Variants in PDZD2 observed in about 807,000 individuals in gnomAD.
PDZD2 encodes PDZ domain containing 2.
In PDZD2, 90 loss-of-function variants were observed where a neutral mutation model predicts 220.7. The ratio of observed to expected loss-of-function variants is 0.41; its 90% CI spans 0.34 to 0.49. The LOEUF (loss-of-function observed/expected upper bound fraction) is 0.49, where lower values mean the gene tolerates loss of function less well. PDZD2 is among the 20% of genes least tolerant of loss of function. The pLI, the probability that PDZD2 is intolerant of heterozygous loss-of-function variation, is 0.28. For missense variants in PDZD2, 3,174 were observed against 3,608.5 expected, an observed-to-expected ratio of 0.88 and a Z score of 3.08; for synonymous variants, 1,375 against 1,450.5, an observed-to-expected ratio of 0.95 and a Z score of 1.18.
intron 2 of PDZD2, among the ~76,000 whole-genome samples, chr5:31,880,780 CTTT>C (rs1177280477): frequency 1.6e-4 from 7 of 42,778 alleles, no homozygotes; most frequent in African/African-American, 6.3e-4. Context: ...AGGTAGCTTT[CTTT>C]TTTTTTTCTT....
At chr5:31,830,916 A>T (rs889954295) in intron 2 of PDZD2, among the ~76,000 whole-genome samples, 1 of 152,188 alleles carries the variant, frequency 6.6e-6, no homozygotes, top group Non-Finnish European at 1.5e-5. Flanking sequence ...CACAGCTCAG[A>T]CAGCAAGCAG....
chr5:31,672,349 A>G (rs553796891), intron 1 of PDZD2, among the ~76,000 whole-genome samples: 4 of 152,214 alleles, frequency 2.6e-5, no homozygotes, highest in South Asian at 4.2e-4. Context: ...AGGAGCAGCA[A>G]TCTACACTCC....
At chr5:31,876,785 C>T (rs531789792) in intron 2 of PDZD2, among the ~76,000 whole-genome samples, 24 of 152,298 alleles carry the variant, frequency 1.6e-4, no homozygotes, top group Non-Finnish European at 3.2e-4. Context: ...AGGGCATTGA[C>T]TCTGGAGTCA....
chr5:31,783,118 G>C (rs1030130621), intron 1 of PDZD2, among the ~76,000 whole-genome samples: 2 of 152,156 alleles, frequency 1.3e-5, no homozygotes, highest in Non-Finnish European at 2.9e-5. Flanking sequence ...GATAAAGTTG[G>C]TTTAAACTTG....
At chr5:32,092,360 G>C (rs563277005) in intron 20 of PDZD2, among the ~76,000 whole-genome samples, 4 of 151,148 alleles carry the variant, frequency 2.6e-5, no homozygotes, top group Middle Eastern at 7.0e-3. Flanking sequence ...ATCACTTGAG[G>C]TCAGGAGTTC....
At chr5:31,751,558 C>T (rs1186181420) in intron 1 of PDZD2, among the ~76,000 whole-genome samples, 2 of 151,278 alleles carry the variant, frequency 1.3e-5, no homozygotes, top group Admixed American at 1.3e-4. Flanking sequence ...ATGGTAAGCC[C>T]ATGTGTTTGC....
At chr5:32,080,304 C>T (rs535426719) in intron 19 of PDZD2, among the ~76,000 whole-genome samples, 2 of 139,380 alleles carry the variant, frequency 1.4e-5, no homozygotes, top group East Asian at 4.3e-4. Context: ...GCTGAGATCA[C>T]ACCACTGCAC....
intron 1 of PDZD2, among the ~76,000 whole-genome samples, chr5:31,661,917 C>G (rs1745785369): frequency 6.6e-6 from 1 of 151,904 alleles, no homozygotes; most frequent in Admixed American, 6.6e-5. Flanking sequence ...CAGACACCAA[C>G]ACTCTCAGCT....
intron 1 of PDZD2, among the ~76,000 whole-genome samples, chr5:31,706,958 G>A (rs1747854821): frequency 1.3e-5 from 2 of 151,824 alleles, no homozygotes; most frequent in African/African-American, 4.8e-5. Context: ...TTAACCCCCA[G>A]CATGACCATG....
At chr5:31,862,305 TG>T in intron 2 of PDZD2, among the ~76,000 whole-genome samples, 1 of 151,978 alleles carries the variant, frequency 6.6e-6, no homozygotes, top group South Asian at 2.1e-4. Context: ...GGTTTTGCCA[TG>T]TTGGCCAGGC....
chr5:31,881,301 C>T (rs1739875802), intron 2 of PDZD2, among the ~76,000 whole-genome samples: 1 of 146,994 alleles, frequency 6.8e-6, no homozygotes, highest in African/African-American at 2.5e-5. Context: ...ATGACACTGA[C>T]TTGTCTCATC....
chr5:31,944,836 T>C lies in PDZD2; in HGVS notation c.477-38319T>C, dbSNP rs550027948. Among the ~76,000 whole-genome samples the C allele has an allele frequency of 3.3e-5, 5 of 152,326 alleles. No homozygotes were observed. In the South Asian group the frequency reaches 6.2e-4, roughly 19 times the overall value. ...GGCCGCTTCCTGGCCTCATGGCCCA[T>C]GTGCACCAGGTGAGCTGTGAGCTGA... On this transcript the variant is annotated intron_variant, in intron 2 of 24. Transcript: ENST00000438447.
At chr5:31,765,306 G>A (rs1400124728) in intron 1 of PDZD2, among the ~76,000 whole-genome samples, 1 of 152,152 alleles carries the variant, frequency 6.6e-6, no homozygotes, top group Non-Finnish European at 1.5e-5. Context: ...GCTGGAGGAT[G>A]CTCTTCCTCC....
At chr5:32,011,024 A>T (rs1397076926) in intron 6 of PDZD2, among the ~76,000 whole-genome samples, 4 of 130,128 alleles carry the variant, frequency 3.1e-5, no homozygotes, top group Non-Finnish European at 6.2e-5. Context: ...AAAAAAAAAC[A>T]ACAACAACAA....
intron 6 of PDZD2, among the ~76,000 whole-genome samples, chr5:32,016,560 G>T (rs1159813467): frequency 1.3e-5 from 2 of 152,170 alleles, no homozygotes; most frequent in African/African-American, 4.8e-5. Flanking sequence ...GCATCTATGG[G>T]GAGCGCATGT....
chr5:31,952,989 C>G (rs994948754), intron 2 of PDZD2, among the ~76,000 whole-genome samples: 2 of 143,850 alleles, frequency 1.4e-5, no homozygotes, highest in Admixed American at 1.5e-4. Context: ...ACCTGGGAGG[C>G]AGAGGCTGCA....
intron 7 of PDZD2, among the ~76,000 whole-genome samples, chr5:32,042,571 T>G (rs539700119): frequency 1.3e-5 from 2 of 151,976 alleles, no homozygotes; most frequent in East Asian, 3.9e-4. Context: ...GACTCCATCT[T>G]AAAAAGAAAA....
intron 2 of PDZD2, among the ~76,000 whole-genome samples, chr5:31,830,915 G>A (rs1419549901): frequency 1.3e-5 from 2 of 152,194 alleles, no homozygotes; most frequent in Non-Finnish European, 2.9e-5. Context: ...GCACAGCTCA[G>A]ACAGCAAGCA....
chr5:32,078,293 T>C (rs1741521667), intron 19 of PDZD2, among the ~76,000 whole-genome samples: 1 of 152,134 alleles, frequency 6.6e-6, no homozygotes, highest in South Asian at 2.1e-4. Context: ...CACATAAGTG[T>C]TGATGAGAGA....
Sources: allele counts gnomAD v4.1 joint callset (sites outside exome capture counted in the v4.1 genomes callset), GRCh38; gene constraint gnomAD v4.1.1; transcripts MANE v1.5; gene names NCBI Gene and HGNC (gene_info 2026-07-23, HGNC 2026-07-21).